RPIA: variants seen among roughly 807,000 people sequenced by gnomAD.
RPIA encodes the protein ribose 5-phosphate isomerase A.
Under a neutral mutation model 37.8 loss-of-function variants are expected in RPIA, and 29 were observed. The observed-to-expected ratio is 0.77, with a 90% CI of 0.57 to 1.05. RPIA has a LOEUF of 1.05. Ranked by LOEUF, RPIA falls within the 50% of genes least tolerant of loss-of-function variation. The probability of loss-of-function intolerance (pLI) is 0.00; values close to 1 mark genes in which losing one functional copy is unlikely to be tolerated. For synonymous variants in RPIA, 167 were observed against 157.0 expected (o/e 1.06, Z -0.48); for missense variants, 385 against 413.6 (o/e 0.93, Z 0.60).
intron 3 of RPIA, among the ~76,000 whole-genome samples, chr2:88,715,275 AT>A (rs1308089117): frequency 1.3e-5 from 2 of 152,198 alleles, no homozygotes; most frequent in Non-Finnish European, 1.5e-5. Flanking sequence ...AAGAAACAGT[AT>A]TCTCATGCTG....
chr2:88,699,738 C>G (rs1672805005), intron 2 of RPIA, among the ~76,000 whole-genome samples: 1 of 152,168 alleles, frequency 6.6e-6, no homozygotes. Context: ...ATACAAAGTT[C>G]TTAGAATATT....
In RPIA at chr2:88,750,491, A is replaced by G. The variant is rs1673491821; in HGVS notation, c.*413A>G. Reference sequence around the variant, plus strand: ...CTGGTAAAGTGAGGGGCCCACCAGCAGTGATCTCCTGATGCCTTACTGGAA... The same window carrying G: ...CTGGTAAAGTGAGGGGCCCACCAGCGGTGATCTCCTGATGCCTTACTGGAA... On this transcript the variant is annotated 3_prime_UTR_variant, in exon 9 of 9. Transcript: ENST00000283646. 7.0e-6 allele frequency: 3 copies of G among 430,560 alleles called. No individual in the cohort carries two copies. The highest frequency in any genetic ancestry group is 1.2e-5 in the Non-Finnish European group (3 of 244,860). 26.7% of individuals were successfully genotyped at this position (430,560 alleles called of 1,614,324 possible).
intron 1 of RPIA, among the ~76,000 whole-genome samples, chr2:88,694,998 AAAAG>A (rs1164182183): frequency 7.4e-4 from 113 of 151,692 alleles, no homozygotes; most frequent in Non-Finnish European, 1.0e-3. Context: ...AAAAAAAAGA[AAAAG>A]AAAAAGAAAA....
intron 2 of RPIA, among the ~76,000 whole-genome samples, chr2:88,699,146 C>A (rs1672796446): frequency 6.6e-6 from 1 of 152,160 alleles, no homozygotes; most frequent in East Asian, 1.9e-4. Flanking sequence ...GGGCAGAGCC[C>A]AGGAGGTAAA....
rs373517086 is a variant in RPIA at position 88,724,465 on chromosome 2, C to G, written c.403-4813C>G. ...GGGATTACAAGCATATGGCAACACA[C>G]CTGGCTAATTTTTTTGTATTTTTAC... On this transcript the variant is annotated intron_variant, in intron 3 of 8. Transcript: ENST00000283646. Among the ~76,000 whole-genome samples the G allele has an allele frequency of 2.6e-4, 39 of 152,122 alleles. No homozygotes were observed. The South Asian group carries it at 7.1e-3, about 28-fold the overall frequency.
chr2:88,694,104 G>GT (rs1676980798), intron 1 of RPIA, among the ~76,000 whole-genome samples: 1 of 152,248 alleles, frequency 6.6e-6, no homozygotes, highest in Non-Finnish European at 1.5e-5. Context: ...CATACATGTG[G>GT]TTTAATATTG....
At chr2:88,698,101 A>G (rs976340286) in intron 1 of RPIA, among the ~76,000 whole-genome samples, 8 of 131,292 alleles carry the variant, frequency 6.1e-5, no homozygotes, top group African/African-American at 2.3e-4. Flanking sequence ...TTTTTTTTTT[A>G]AACACACTGT....
chr2:88,717,539 G>T, intron 3 of RPIA, among the ~76,000 whole-genome samples: 1 of 152,140 alleles, frequency 6.6e-6, no homozygotes, highest in East Asian at 1.9e-4. Context: ...CTCTCCAAAA[G>T]AGGCAATCAG....
chr2:88,710,499 T>C (rs1672949271), intron 3 of RPIA, among the ~76,000 whole-genome samples: 1 of 152,212 alleles, frequency 6.6e-6, no homozygotes, highest in Non-Finnish European at 1.5e-5. Flanking sequence ...TTATCATTAC[T>C]TCTTTTAGAA....
At chr2:88,729,380 C>A in intron 4 of RPIA, 43 bp downstream of exon 4, 1 of 1,577,812 alleles carries the variant, frequency 6.3e-7, no homozygotes, top group South Asian at 1.1e-5. Flanking sequence ...TATTTCTTTC[C>A]GCTTTTTTAT....
chr2:88,750,242 T>C lies in RPIA; in HGVS notation c.*164T>C. On this transcript the variant is annotated 3_prime_UTR_variant, in exon 9 of 9. Transcript: ENST00000283646. ...GAGTTAAATCCAGTCTTATGAAGTA[T>C]TGTTATTAAATGTCTTTTTAAAAAG... 1.7e-6 allele frequency: 1 copy of C among 574,668 alleles called. No individual in the cohort carries two copies. Among genetic ancestry groups the C allele is most frequent in the Non-Finnish European group, 3.1e-6 (1 of 317,668 alleles). 35.6% of individuals were successfully genotyped at this position (574,668 alleles called of 1,614,324 possible).
chr2:88,698,925 C>G (rs776414822), intron 2 of RPIA, among the ~76,000 whole-genome samples: 1 of 152,230 alleles, frequency 6.6e-6, no homozygotes, highest in Non-Finnish European at 1.5e-5. Context: ...CTGTCCATGA[C>G]CCTGGAGTGG....
chr2:88,743,666 G>A (rs1257148849), intron 8 of RPIA, among the ~76,000 whole-genome samples: 1 of 151,934 alleles, frequency 6.6e-6, no homozygotes, highest in African/African-American at 2.4e-5. Flanking sequence ...TTTGGTTCTG[G>A]ACTTTTTTTG....
At chr2:88,718,284 T>TA (rs1673060477) in intron 3 of RPIA, among the ~76,000 whole-genome samples, 1 of 152,250 alleles carries the variant, frequency 6.6e-6, no homozygotes, top group African/African-American at 2.4e-5. Context: ...ATGGTAGGAC[T>TA]GATTTGCTTT....
At chr2:88,734,073 GAGACTTCT>G (rs765864491) in intron 4 of RPIA, among the ~76,000 whole-genome samples, 162 of 152,034 alleles carry the variant, frequency 1.1e-3, no homozygotes, top group South Asian at 3.1e-3. Context: ...AGTTAGTACA[GAGACTTCT>G]GAATCAGTTT....
intron 3 of RPIA, among the ~76,000 whole-genome samples, chr2:88,709,101 A>G (rs909704248): frequency 3.3e-5 from 5 of 152,214 alleles, no homozygotes; most frequent in African/African-American, 1.2e-4. Flanking sequence ...CCACCGATCC[A>G]GAAGACTAAG....
intron 1 of RPIA, among the ~76,000 whole-genome samples, chr2:88,694,579 C>A (rs1306065565): frequency 6.6e-6 from 1 of 152,192 alleles, no homozygotes; most frequent in African/African-American, 2.4e-5. Flanking sequence ...TCATAACACT[C>A]ATAGCCCTTG....
In RPIA at chr2:88,750,831, A is replaced by AT; in HGVS notation, c.*758dup. 2.5e-6 allele frequency: 1 copy of AT among 398,114 alleles called. No homozygotes were observed. The highest frequency in any genetic ancestry group is 4.4e-6 in the Non-Finnish European group (1 of 225,884). 24.7% of individuals were successfully genotyped at this position (398,114 alleles called of 1,614,324 possible). A position where few individuals can be genotyped will look rare whatever the true frequency, so the allele number is the denominator to read the frequency against. ...TAATGATTTTCTTTTTGTTATTAAT[A>AT]TTTTTCTCTGTTCCTTTGTTATTAC... On this transcript the variant is annotated 3_prime_UTR_variant, in exon 9 of 9. Transcript: ENST00000283646.
chr2:88,723,372 C>T lies in RPIA; in HGVS notation c.403-5906C>T, dbSNP rs538814178. On this transcript the variant is annotated intron_variant, in intron 3 of 8. Coordinates refer to ENST00000283646, the MANE Select transcript of RPIA (RefSeq NM_144563.3). ...ATTCCCTGCTGGGAGTGAGCTCAAA[C>T]TCCATAAAGGAGTTACCTGCCTTCC... Among the ~76,000 whole-genome samples the T allele has an allele frequency of 2.4e-4, 37 of 152,302 alleles. No homozygotes were observed. In the South Asian group the frequency reaches 4.1e-3, roughly 17 times the overall value.
Sources: allele counts gnomAD v4.1 joint callset (sites outside exome capture counted in the v4.1 genomes callset), GRCh38; gene constraint gnomAD v4.1.1; transcripts MANE v1.5; gene names NCBI Gene and HGNC (gene_info 2026-07-23, HGNC 2026-07-21).